FNDC3A: variants seen among roughly 807,000 people sequenced by gnomAD.
The protein encoded by FNDC3A is fibronectin type III domain containing 3A.
FNDC3A carries 32 observed loss-of-function variants against 148.9 expected under a neutral mutation model. The observed-to-expected ratio is 0.21, with a 90% CI of 0.16 to 0.29. The LOEUF is 0.29. Among genes scored for constraint, FNDC3A ranks in the 10% least tolerant of loss-of-function variants. FNDC3A has a pLI of 1.00. For missense variants in FNDC3A, 1,191 were observed against 1,452.8 expected (o/e 0.82, Z 2.93); for synonymous variants, 472 against 473.6 (o/e 1.00, Z 0.04).
At chr13:49,138,560 G>C (rs1163011565) in intron 6 of FNDC3A, among the ~76,000 whole-genome samples, 187 bp from the exon 7 acceptor site, 1 of 151,926 alleles carries the variant, frequency 6.6e-6, no homozygotes, top group Non-Finnish European at 1.5e-5. Context: ...TCACAGTTAA[G>C]ATAGAAATAA....
chr13:49,030,572 A>C (rs1476498080), intron 2 of FNDC3A, among the ~76,000 whole-genome samples: 1 of 152,196 alleles, frequency 6.6e-6, no homozygotes, highest in East Asian at 1.9e-4. Flanking sequence ...AAAGGAATAA[A>C]ACTCTATTCA....
At chr13:49,055,102 CT>C (rs1233794258) in intron 2 of FNDC3A, among the ~76,000 whole-genome samples, 29 of 146,142 alleles carry the variant, frequency 2.0e-4, no homozygotes, top group South Asian at 4.4e-4. Flanking sequence ...ATTTGCTCTT[CT>C]TTTTTTTTTT....
At chr13:49,021,042 T>C (rs963420435) in intron 2 of FNDC3A, among the ~76,000 whole-genome samples, 9 of 152,370 alleles carry the variant, frequency 5.9e-5, no homozygotes, top group Admixed American at 5.9e-4. Context: ...TTATTCATAC[T>C]GAGAGAATTT....
At chr13:49,081,634 A>G (rs1878478051) in intron 3 of FNDC3A, among the ~76,000 whole-genome samples, 1 of 152,250 alleles carries the variant, frequency 6.6e-6, no homozygotes, top group African/African-American at 2.4e-5. Flanking sequence ...CTGTGGAACC[A>G]TAGAACCCAA....
intron 14 of FNDC3A, among the ~76,000 whole-genome samples, chr13:49,179,448 C>T (rs112555667): frequency 6.6e-6 from 1 of 151,674 alleles, no homozygotes; most frequent in African/African-American, 2.4e-5. Context: ...TACTGTGTAC[C>T]CTGTGAGCAT....
At chr13:49,008,698 A>G (rs899757720) in intron 2 of FNDC3A, among the ~76,000 whole-genome samples, 3 of 152,160 alleles carry the variant, frequency 2.0e-5, no homozygotes, top group Non-Finnish European at 2.9e-5. Flanking sequence ...CTTGTGAATC[A>G]TAATAGAGGG....
intron 2 of FNDC3A, among the ~76,000 whole-genome samples, chr13:49,010,391 T>C (rs1421836271): frequency 6.6e-6 from 1 of 152,182 alleles, no homozygotes; most frequent in African/African-American, 2.4e-5. Context: ...CCAAGCCTTT[T>C]GTTATCTGTA....
At position 48,976,007 on chromosome 13, in the gene FNDC3A, G is replaced by A. The variant is rs980356630; in HGVS notation, c.-210G>A. The stretch of plus-strand genomic sequence containing the variant: ...TACGCGGAGAGGGAGCGAAGAGCGG[G>A]GCTGAGGCGGCGGCGTCACTGCCAG... On this transcript the variant is annotated 5_prime_UTR_variant, in exon 1 of 26. Transcript: ENST00000492622. 2.6e-5 allele frequency: 4 copies of A among 153,248 alleles called. No individual in the cohort carries two copies. Among genetic ancestry groups the A allele is most frequent in the African/African-American group, 7.2e-5 (3 of 41,470 alleles). 9.5% of individuals were successfully genotyped at this position (153,248 alleles called of 1,614,324 possible). A position where few individuals can be genotyped will look rare whatever the true frequency, so the allele number is the denominator to read the frequency against.
At chr13:49,175,647 GCAAATAGAGA>G (rs1244528832) in intron 13 of FNDC3A, 106 bp downstream of exon 13, 2 of 649,368 alleles carry the variant, frequency 3.1e-6, no homozygotes, top group African/African-American at 3.8e-5. Flanking sequence ...CATGTCATCT[GCAAATAGAGA>G]CAATTTGACT....
chr13:49,207,310 A>C lies in FNDC3A; in HGVS notation c.3512A>C (p.Glu1171Ala). The change falls in exon 26 of 26, where the codon GAG (glutamate) becomes GCG (alanine). Residue 1171 changes from glutamate to alanine, a missense_variant. By Grantham distance (107) the Glu-to-Ala change is moderately radical. Around this residue, in one of 3 missense-constraint regions of FNDC3A, gnomAD observed 751 missense variants for 944.0 expected, o/e 0.80. Transcript: ENST00000492622. ...AGGACCCGACGGGCACTGAGTGACG[A>C]GCAGTGTGCTGCCGTCATCCTTGTG... is the stretch of plus-strand genomic sequence containing the variant. Reference protein sequence around the residue: ...STRTRRALSDEQCAAVILVLF... With the variant: ...STRTRRALSDAQCAAVILVLF... 6.2e-7 allele frequency: 1 copy of C among 1,613,924 alleles called. No homozygotes were observed. The highest frequency in any genetic ancestry group is 8.5e-7 in the Non-Finnish European group (1 of 1,179,780).
chr13:49,172,737 A>C (rs907114432), intron 11 of FNDC3A, among the ~76,000 whole-genome samples: 1 of 152,160 alleles, frequency 6.6e-6, no homozygotes, highest in African/African-American at 2.4e-5. Context: ...CGAGATTCTT[A>C]GTCACATTGT....
intron 2 of FNDC3A, among the ~76,000 whole-genome samples, chr13:49,023,729 A>T (rs184637388): frequency 6.6e-4 from 101 of 152,116 alleles, no homozygotes; most frequent in Non-Finnish European, 1.3e-3. Context: ...GAAATAAAGA[A>T]TGACTTGAAA....
intron 8 of FNDC3A, among the ~76,000 whole-genome samples, chr13:49,166,558 ACTCCAGGCAT>A (rs987003145): frequency 6.6e-6 from 1 of 151,550 alleles, no homozygotes; most frequent in Non-Finnish European, 1.5e-5. Flanking sequence ...GTCTTGCACA[ACTCCAGGCAT>A]CTCCCTATGT....
At chr13:48,981,003 CTTTAA>C (rs774258597) in intron 1 of FNDC3A, among the ~76,000 whole-genome samples, 2 of 152,202 alleles carry the variant, frequency 1.3e-5, no homozygotes, top group East Asian at 1.9e-4. Context: ...AACTTTTGTA[CTTTAA>C]TTTATTATTA....
intron 4 of FNDC3A, among the ~76,000 whole-genome samples, chr13:49,129,915 G>T (rs1419421420): frequency 6.6e-6 from 1 of 152,090 alleles, no homozygotes; most frequent in Non-Finnish European, 1.5e-5. Context: ...AAAATAATTT[G>T]CTATCCTTAA....
chr13:48,979,110 C>T (rs1951654529), intron 1 of FNDC3A, among the ~76,000 whole-genome samples: 1 of 152,122 alleles, frequency 6.6e-6, no homozygotes, highest in African/African-American at 2.4e-5. Context: ...TTTCCAATCA[C>T]TTATCACCCA....
intron 3 of FNDC3A, among the ~76,000 whole-genome samples, chr13:49,106,773 C>CAAAAAAAAA (rs543962565): frequency 4.5e-4 from 36 of 79,874 alleles, no homozygotes; most frequent in African/African-American, 6.8e-4. Context: ...TGAATGAAAG[C>CAAAAAAAAA]AAAAAAAAAA....
intron 8 of FNDC3A, among the ~76,000 whole-genome samples, chr13:49,152,354 T>C (rs1429708004): frequency 2.0e-5 from 3 of 152,234 alleles, no homozygotes; most frequent in African/African-American, 7.2e-5. Flanking sequence ...TTCATGTGTC[T>C]GTTGGCTGCA....
chr13:49,122,602 T>G (rs1033290671), intron 4 of FNDC3A, among the ~76,000 whole-genome samples: 3 of 152,158 alleles, frequency 2.0e-5, no homozygotes, highest in South Asian at 2.1e-4. Context: ...GAAAACCCCA[T>G]CGTCTCAGCC....
Sources: allele counts gnomAD v4.1 joint callset (sites outside exome capture counted in the v4.1 genomes callset), GRCh38; gene constraint gnomAD v4.1.1; regional missense constraint gnomAD v4.1.1; transcripts MANE v1.5; gene names NCBI Gene and HGNC (gene_info 2026-07-23, HGNC 2026-07-21).